The following CCDC171 variants were observed in gnomAD, a reference collection of about 807,000 sequenced individuals.
The protein encoded by CCDC171 is coiled-coil domain-containing protein 171.
A neutral mutation model predicts 168.2 loss-of-function variants in CCDC171; 177 were observed. The ratio of observed to expected loss-of-function variants is 1.05; its 90% CI spans 0.93 to 1.19. The LOEUF is 1.19. CCDC171 is among the 50% of genes most tolerant of loss of function. CCDC171 has a pLI of 0.00. For synonymous variants in CCDC171, 687 were observed against 540.8 expected (o/e 1.27, Z -3.75); for missense variants, 1,991 against 1,539.0 (o/e 1.29, Z -4.91).
intron 10 of CCDC171, 98 bp from the exon 11 acceptor site, chr9:15,695,137 C>T (rs1392520195): frequency 6.8e-6 from 5 of 738,606 alleles, no homozygotes; most frequent in Non-Finnish European, 1.2e-5. Context: ...TGAATGGAAT[C>T]ATTATCTTGT....
At chr9:16,014,346 T>C (rs1046242405) in intron 3 of CCDC171, among the ~76,000 whole-genome samples, 4 of 152,214 alleles carry the variant, frequency 2.6e-5, no homozygotes, top group Non-Finnish European at 4.4e-5. Flanking sequence ...GTTCTTTTGC[T>C]ATTTCCACCA....
chr9:15,961,791 T>C (rs1285273337), intron 25 of CCDC171, among the ~76,000 whole-genome samples: 1 of 152,148 alleles, frequency 6.6e-6, no homozygotes, highest in Non-Finnish European at 1.5e-5. Flanking sequence ...AAGTAAAACG[T>C]ACTTACTGTA....
intron 3 of CCDC171, among the ~76,000 whole-genome samples, chr9:15,983,480 TTGTGTG>T (rs56910418): frequency 0.012 from 1,688 of 144,024 alleles, 24 homozygotes; most frequent in Middle Eastern, 0.014. Flanking sequence ...TTGTGATCAG[TTGTGTG>T]TGTGTGTGTG....
intron 11 of CCDC171, among the ~76,000 whole-genome samples, chr9:15,717,912 G>C (rs2053197324): frequency 6.6e-6 from 1 of 152,242 alleles, no homozygotes; most frequent in Admixed American, 6.5e-5. Context: ...ATTCACAGCT[G>C]TAGTGGCTAC....
At chr9:15,570,074 A>G (rs1386931950) in intron 2 of CCDC171, among the ~76,000 whole-genome samples, 7 of 152,022 alleles carry the variant, frequency 4.6e-5, no homozygotes, top group Admixed American at 3.9e-4. Context: ...GGGTTCAAGG[A>G]TTCTCCTGCC....
chr9:15,600,798 C>G (rs1294846213), intron 6 of CCDC171, among the ~76,000 whole-genome samples: 2 of 152,330 alleles, frequency 1.3e-5, no homozygotes, highest in Middle Eastern at 3.4e-3. Flanking sequence ...TTCGAGCTTC[C>G]CGGCCACTTT....
At chr9:15,658,100 A>C (rs1290561140) in intron 8 of CCDC171, among the ~76,000 whole-genome samples, 1 of 152,252 alleles carries the variant, frequency 6.6e-6, no homozygotes, top group African/African-American at 2.4e-5. Context: ...CACTGTTCTG[A>C]ACAACTGCTT....
intron 7 of CCDC171, among the ~76,000 whole-genome samples, chr9:15,639,034 G>A (rs760019949): frequency 1.3e-5 from 2 of 152,024 alleles, no homozygotes; most frequent in Non-Finnish European, 2.9e-5. Context: ...AATTGCTTCT[G>A]TCAGTCATAT....
In CCDC171 at chr9:15,609,913, G is replaced by T. The variant is rs1387011474; in HGVS notation, c.676-13354G>T. Among the ~76,000 whole-genome samples the T allele has an allele frequency of 2.6e-5, 4 of 152,144 alleles. No individual in the cohort carries two copies. The East Asian group carries it at 5.8e-4, about 22-fold the overall frequency. On this transcript the variant is annotated intron_variant, in intron 6 of 25. Transcript: ENST00000380701. ...TGATTAAAATTGGATTGCATTTATA[G>T]ATCATTTTGACATAAAGTTGACATC... is the stretch of plus-strand genomic sequence containing the variant.
At chr9:15,738,632 A>C (rs902991256) in intron 16 of CCDC171, among the ~76,000 whole-genome samples, 4 of 151,530 alleles carry the variant, frequency 2.6e-5, no homozygotes, top group African/African-American at 9.7e-5. Context: ...TTTTTTTTTT[A>C]AAGCAAATTT....
rs200536745 is a variant in CCDC171, at chr9:15,695,247, C to T, written c.1228C>T (p.Gln410Ter). 4 of 1,612,944 alleles carry T rather than the reference C, an allele frequency of 2.5e-6. No homozygotes were observed. The highest frequency in any genetic ancestry group is 3.4e-6 in the Non-Finnish European group (4 of 1,179,124). ...TCTTAATTAAAAGGCTAAGAAGCACCAGGCCTTCCTAGTAGAGACATGTGA... is the reference window on the plus strand; with the variant it reads ...TCTTAATTAAAAGGCTAAGAAGCACTAGGCCTTCCTAGTAGAGACATGTGA... ...QEELVMAKKH[Q>*]AFLVETCENN... Residue 410 changes from glutamine (Q) to a stop codon, truncating the protein, a stop_gained, in exon 11 of 26, where the codon CAG (glutamine) becomes TAG (stop). Transcript: ENST00000380701. LOFTEE classifies it high-confidence loss of function.
intron 25 of CCDC171, among the ~76,000 whole-genome samples, chr9:15,949,599 G>A (rs1273390236): frequency 6.6e-6 from 1 of 152,120 alleles, no homozygotes; most frequent in Non-Finnish European, 1.5e-5. Context: ...TGATTTGGAT[G>A]TCTGTCTGTC....
At chr9:15,899,666 C>G (rs1339711432) in intron 24 of CCDC171, among the ~76,000 whole-genome samples, 1 of 152,112 alleles carries the variant, frequency 6.6e-6, no homozygotes, top group Non-Finnish European at 1.5e-5. Context: ...TGTATATTCT[C>G]TTTCGTAAAA....
In CCDC171 at chr9:15,972,463, A is replaced by G. The variant is rs546398076; in HGVS notation, c.*627A>G. The G allele has an allele frequency of 2.0e-5, 3 of 152,424 alleles. No homozygotes were observed. The highest frequency in any genetic ancestry group is 7.2e-5 in the African/African-American group (3 of 41,586). 9.4% of individuals were successfully genotyped at this position (152,424 alleles called of 1,614,324 possible). A position where few individuals can be genotyped will look rare whatever the true frequency, so the allele number is the denominator to read the frequency against. On this transcript the variant is annotated 3_prime_UTR_variant, in exon 26 of 26. Coordinates refer to ENST00000380701, the MANE Select transcript of CCDC171 (RefSeq NM_173550.4). ...CATGATACCACTTGCCCATTTGAAC[A>G]AGTTAAGTTAACTGCTGAATCTGGT... is the stretch of plus-strand genomic sequence containing the variant.
intron 4 of CCDC171, among the ~76,000 whole-genome samples, chr9:15,590,345 G>A (rs1193958907): frequency 2.6e-5 from 4 of 152,168 alleles, no homozygotes; most frequent in Non-Finnish European, 5.9e-5. Flanking sequence ...TTTAACATGT[G>A]TTTTTATAAA....
At chr9:15,741,135 C>A (rs970333860) in intron 16 of CCDC171, among the ~76,000 whole-genome samples, 1 of 152,100 alleles carries the variant, frequency 6.6e-6, no homozygotes, top group Non-Finnish European at 1.5e-5. Context: ...GTAAAATATG[C>A]ATGACATAAC....
intron 1 of CCDC171, among the ~76,000 whole-genome samples, chr9:16,050,152 G>T (rs1833727671): frequency 6.6e-6 from 1 of 152,140 alleles, no homozygotes; most frequent in African/African-American, 2.4e-5. Flanking sequence ...CTCCCAAAGT[G>T]CTGGGATTAC....
intron 1 of CCDC171, among the ~76,000 whole-genome samples, chr9:16,048,914 G>T (rs192767000): frequency 2.7e-5 from 4 of 148,758 alleles, no homozygotes; most frequent in African/African-American, 9.8e-5. Flanking sequence ...AGAGACAGAA[G>T]TGATGAGTTT....
At chr9:15,977,180 G>C (rs1248293683), downstream of CCDC171, among the ~76,000 whole-genome samples, 1 of 152,134 alleles carries the variant, frequency 6.6e-6, no homozygotes, top group African/African-American at 2.4e-5. Flanking sequence ...CCAGATATCA[G>C]ATGTCCTGTT....
Sources: allele counts gnomAD v4.1 joint callset (sites outside exome capture counted in the v4.1 genomes callset), GRCh38; gene constraint gnomAD v4.1.1; transcripts MANE v1.5; gene names NCBI Gene and HGNC (gene_info 2026-07-23, HGNC 2026-07-21).